The following HS3ST4 variants were observed in gnomAD, a reference collection of about 807,000 sequenced individuals.
HS3ST4 encodes heparan sulfate glucosamine 3-O-sulfotransferase 4.
HS3ST4 carries 17 observed loss-of-function variants against 29.2 expected under a neutral mutation model. The ratio of observed to expected loss-of-function variants is 0.58; its 90% CI spans 0.40 to 0.87. The LOEUF is 0.87. Among genes scored for constraint, HS3ST4 ranks in the 40% least tolerant of loss-of-function variants. The probability of loss-of-function intolerance (pLI) is 0.00; values close to 1 mark genes in which losing one functional copy is unlikely to be tolerated. For missense variants in HS3ST4, 627 were observed against 634.5 expected (o/e 0.99, Z 0.13); for synonymous variants, 314 against 285.7 (o/e 1.10, Z -1.00).
chr16:26,110,741 A>G lies in HS3ST4; in HGVS notation c.735-24871A>G, dbSNP rs115793605. Among the ~76,000 whole-genome samples, 944 of 152,258 alleles carry G rather than the reference A, an allele frequency of 6.2e-3. 14 individuals are homozygous for G. The highest frequency in any genetic ancestry group is 0.021 in the African/African-American group (886 of 41,538). On this transcript the variant is annotated intron_variant, in intron 1 of 1. Transcript: ENST00000331351. Reference sequence around the variant, plus strand: ...CATGACAGTTCTGTGCTCAGAAACTACTGAGGACTCCTCACGGCACTCAGA... The same window carrying G: ...CATGACAGTTCTGTGCTCAGAAACTGCTGAGGACTCCTCACGGCACTCAGA...
chr16:25,718,777 G>A (rs1966474583), intron 1 of HS3ST4, among the ~76,000 whole-genome samples: 1 of 152,126 alleles, frequency 6.6e-6, no homozygotes, highest in Admixed American at 6.5e-5. Context: ...GAGAGGACAG[G>A]GATAGGAGAT....
At chr16:26,094,141 G>A (rs1898894156) in intron 1 of HS3ST4, among the ~76,000 whole-genome samples, 1 of 152,188 alleles carries the variant, frequency 6.6e-6, no homozygotes, top group Non-Finnish European at 1.5e-5. Flanking sequence ...CGTTTGATTG[G>A]TGTACCTGAA....
chr16:26,101,815 T>C (rs1354091949), intron 1 of HS3ST4, among the ~76,000 whole-genome samples: 6 of 152,226 alleles, frequency 3.9e-5, no homozygotes, highest in Non-Finnish European at 8.8e-5. Flanking sequence ...TTAAATTTCC[T>C]TTAATTTTTA....
Position 25,877,962 on chromosome 16 carries a change from T to TA in HS3ST4, c.734+184814dup, listed in dbSNP as rs1214986192. 3.3e-5 allele frequency among the ~76,000 whole-genome samples: 5 copies of TA among 152,248 alleles called. No individual in the cohort carries two copies. In the East Asian group the frequency reaches 7.7e-4, roughly 24 times the overall value. ...CCAGTCTGGGTCAAAAGCAGTCAGG[T>TA]AAACAGGCATTTCTTTGATTTGCCT... On this transcript the variant is annotated intron_variant, in intron 1 of 1. Coordinates refer to ENST00000331351, the MANE Select transcript of HS3ST4 (RefSeq NM_006040.3).
intron 1 of HS3ST4, among the ~76,000 whole-genome samples, chr16:25,833,598 G>A (rs1311868437): frequency 6.6e-6 from 1 of 152,154 alleles, no homozygotes; most frequent in African/African-American, 2.4e-5. Flanking sequence ...ATGAATTGGA[G>A]CCAGTAATGC....
intron 1 of HS3ST4, among the ~76,000 whole-genome samples, chr16:25,737,110 AGATTG>A (rs1030127557): frequency 6.6e-6 from 1 of 152,128 alleles, no homozygotes; most frequent in Non-Finnish European, 1.5e-5. Context: ...AGCTCATAAC[AGATTG>A]GATAAAGAAA....
chr16:25,706,319 A>G (rs976136806), intron 1 of HS3ST4, among the ~76,000 whole-genome samples: 5 of 152,172 alleles, frequency 3.3e-5, no homozygotes, highest in African/African-American at 1.2e-4. Flanking sequence ...TGTGTTTCCC[A>G]GGTTGGTGTA....
intron 1 of HS3ST4, among the ~76,000 whole-genome samples, chr16:26,099,045 C>T (rs529344187): frequency 8.7e-4 from 133 of 152,176 alleles, no homozygotes; most frequent in Non-Finnish European, 1.5e-3. Context: ...ACCCCAGACT[C>T]ACATCCACCC....
At position 26,136,734 on chromosome 16, in the gene HS3ST4, A is replaced by C; in HGVS notation, c.*486A>C. ...GCACTTTGTGGCTGAGTGCTCCAGG[A>C]CTCCTAGGGAGCAAGGTCCTCCCTC... is the stretch of plus-strand genomic sequence containing the variant. On this transcript the variant is annotated 3_prime_UTR_variant, in exon 2 of 2. Coordinates refer to ENST00000331351, the MANE Select transcript of HS3ST4 (RefSeq NM_006040.3). 6.1e-6 allele frequency: 1 copy of C among 163,296 alleles called. No homozygotes were observed. Among genetic ancestry groups the C allele is most frequent in the Non-Finnish European group, 1.4e-5 (1 of 73,948 alleles). The allele number at this position is 163,296 out of a possible 1,614,324, so 10.1% of individuals were successfully genotyped here.
Position 25,911,810 on chromosome 16 carries a change from G to GGATTTT in HS3ST4, c.734+218661_734+218666dup. On this transcript the variant is annotated intron_variant, in intron 1 of 1. Transcript: ENST00000331351. The stretch of plus-strand genomic sequence containing the variant: ...AGGTATGAGCCATTGTGCCTGACTC[G>GGATTTT]GATTTTGTTTTTGTTTTTGTTTGTT... Among the ~76,000 whole-genome samples the GGATTTT allele has an allele frequency of 2.6e-5, 4 of 152,030 alleles. No individual in the cohort carries two copies. The Middle Eastern group carries it at 0.01, about 388-fold the overall frequency.
intron 1 of HS3ST4, among the ~76,000 whole-genome samples, chr16:25,983,632 C>T (rs1396800961): frequency 1.3e-5 from 2 of 152,224 alleles, no homozygotes; most frequent in Non-Finnish European, 2.9e-5. Flanking sequence ...AGGCCAGATT[C>T]AACTGTGTCT....
intron 1 of HS3ST4, among the ~76,000 whole-genome samples, chr16:25,819,364 A>C (rs1967124762): frequency 6.6e-6 from 1 of 152,174 alleles, no homozygotes; most frequent in Non-Finnish European, 1.5e-5. Context: ...ATCCCACCAC[A>C]GCCCTGTGCA....
intron 1 of HS3ST4, among the ~76,000 whole-genome samples, chr16:26,048,031 C>G (rs1269570201): frequency 6.6e-6 from 1 of 152,198 alleles, no homozygotes; most frequent in Admixed American, 6.5e-5. Context: ...AGTCCAAGAT[C>G]AAGGTGTCGG....
At chr16:26,026,975 T>A (rs1969482558) in intron 1 of HS3ST4, among the ~76,000 whole-genome samples, 1 of 152,240 alleles carries the variant, frequency 6.6e-6, no homozygotes. Context: ...ATAGGACTCA[T>A]GATAGACCTC....
chr16:25,910,486 C>G (rs144020377), intron 1 of HS3ST4, among the ~76,000 whole-genome samples: 87 of 152,020 alleles, frequency 5.7e-4, no homozygotes, highest in African/African-American at 2.0e-3. Flanking sequence ...ACTAAAAATA[C>G]AAAGAATTTA....
At chr16:25,714,792 A>G (rs897409531) in intron 1 of HS3ST4, among the ~76,000 whole-genome samples, 2 of 152,226 alleles carry the variant, frequency 1.3e-5, no homozygotes, top group Non-Finnish European at 2.9e-5. Context: ...GGGTTGGGTC[A>G]TGCTTTATTT....
intron 1 of HS3ST4, among the ~76,000 whole-genome samples, chr16:25,822,376 C>T (rs1167422515): frequency 1.3e-5 from 2 of 152,142 alleles, no homozygotes; most frequent in East Asian, 1.9e-4. Flanking sequence ...AAACGCCTCA[C>T]CTCTTAATAC....
At position 25,853,312 on chromosome 16, in the gene HS3ST4, G is replaced by A. The variant is rs374341422; in HGVS notation, c.734+160161G>A. 1.8e-3 allele frequency among the ~76,000 whole-genome samples: 161 copies of A among 91,630 alleles called. 1 individual carries two copies. Among genetic ancestry groups the A allele is most frequent in the East Asian group, 6.5e-3 (21 of 3,242 alleles). 60.1% of individuals were successfully genotyped at this position (91,630 alleles called of 152,430 possible). A position where few individuals can be genotyped will look rare whatever the true frequency, so the allele number is the denominator to read the frequency against. On this transcript the variant is annotated intron_variant, in intron 1 of 1. Coordinates refer to ENST00000331351, the MANE Select transcript of HS3ST4 (RefSeq NM_006040.3). ...TCTTTGTGAGTGTGTGTGTGTGTGT[G>A]TATATATATATATATATATTCCTCT... is the stretch of plus-strand genomic sequence containing the variant.
intron 1 of HS3ST4, among the ~76,000 whole-genome samples, chr16:25,945,442 A>C (rs1341035913): frequency 6.6e-6 from 1 of 151,658 alleles, no homozygotes. Context: ...TGATGAACGC[A>C]CTGTAGTGAA....
Sources: allele counts gnomAD v4.1 joint callset (sites outside exome capture counted in the v4.1 genomes callset), GRCh38; gene constraint gnomAD v4.1.1; transcripts MANE v1.5; gene names NCBI Gene and HGNC (gene_info 2026-07-23, HGNC 2026-07-21).